The following COL23A1 variants were observed in gnomAD, a reference collection of about 807,000 sequenced individuals.
COL23A1 encodes the protein collagen alpha-1(XXIII) chain.
In COL23A1, 97 loss-of-function variants were observed where a neutral mutation model predicts 99.3. That is an observed-to-expected ratio of 0.98 (90% CI 0.83 to 1.16). The LOEUF is 1.16. COL23A1 is among the 50% of genes most tolerant of loss of function. COL23A1 has a pLI of 0.00. For synonymous variants in COL23A1, 320 were observed against 308.2 expected, an observed-to-expected ratio of 1.04 and a Z score of -0.40; for missense variants, 762 against 757.4, an observed-to-expected ratio of 1.01 and a Z score of -0.07.
In COL23A1 at chr5:178,310,084, C is replaced by T. The variant is rs745756660; in HGVS notation, c.362-3165G>A. 2.0e-5 allele frequency among the ~76,000 whole-genome samples: 3 copies of T among 152,336 alleles called. No homozygotes were observed. The highest frequency in any genetic ancestry group is 1.9e-4 in the East Asian group (1 of 5,188). On this transcript the variant is annotated intron_variant, in intron 2 of 28. Transcript: ENST00000390654. This position sits in a 1 kb window ranked among gnomAD's most constrained non-coding sequence, Gnocchi z 4.3. ...CACAGGGCCACCTGGTCTGATGTGA[C>T]GTGCCAGTGAGATAGGGAGTGCCTT...
At chr5:178,427,166 C>G (rs975539263) in intron 2 of COL23A1, among the ~76,000 whole-genome samples, 4 of 152,178 alleles carry the variant, frequency 2.6e-5, no homozygotes, top group Non-Finnish European at 5.9e-5. Flanking sequence ...GCACTCCAGC[C>G]TGGGCGACAA....
intron 11 of COL23A1, 44 bp from the exon 12 acceptor site, chr5:178,259,791 A>G (rs1366065590): frequency 1.3e-6 from 2 of 1,566,230 alleles, no homozygotes; most frequent in African/African-American, 1.4e-5. Flanking sequence ...TCAAAACCAT[A>G]GGAGAGTGGC....
At chr5:178,440,373 C>T (rs1469567202) in intron 2 of COL23A1, among the ~76,000 whole-genome samples, 1 of 152,132 alleles carries the variant, frequency 6.6e-6, no homozygotes, top group Non-Finnish European at 1.5e-5. Context: ...CCACCGCAAG[C>T]TCCATCTCAT....
chr5:178,546,158 C>G (rs1761565482), intron 2 of COL23A1, among the ~76,000 whole-genome samples: 1 of 152,110 alleles, frequency 6.6e-6, no homozygotes. Flanking sequence ...AAGACTCTAT[C>G]TCCCCTCCAC....
chr5:178,399,697 G>C (rs1240996601), intron 2 of COL23A1, among the ~76,000 whole-genome samples: 4 of 152,148 alleles, frequency 2.6e-5, no homozygotes, highest in Non-Finnish European at 5.9e-5. Flanking sequence ...ACCAAAGATG[G>C]TTTTTAAAAA....
chr5:178,342,395 C>T (rs1339654887), intron 2 of COL23A1, among the ~76,000 whole-genome samples: 3 of 152,220 alleles, frequency 2.0e-5, no homozygotes, highest in Non-Finnish European at 2.9e-5. Flanking sequence ...TCCATGTCTT[C>T]ACCCACCTGG....
At chr5:178,392,118 ATTTTT>A (rs57353104) in intron 2 of COL23A1, among the ~76,000 whole-genome samples, 1,839 of 137,176 alleles carry the variant, frequency 0.013, 30 homozygotes, top group African/African-American at 0.046. Flanking sequence ...AGTGTCTGCT[ATTTTT>A]TTTTTTTTTT....
In COL23A1 at chr5:178,454,319, CT is replaced by C. The variant is rs1767650608; in HGVS notation, c.361+106362del. On this transcript the variant is annotated intron_variant, in intron 2 of 28. Coordinates refer to ENST00000390654, the MANE Select transcript of COL23A1 (RefSeq NM_173465.4). ...AAATTTAAAAGCCTATGAAAAGCAA[CT>C]CAGATCAAAAAGTGAACAAATGGTC... Among the ~76,000 whole-genome samples, 3 of 152,144 alleles carry C rather than the reference CT, an allele frequency of 2.0e-5. 1 individual carries two copies. Among genetic ancestry groups the C allele is most frequent in the African/African-American group, 7.2e-5 (3 of 41,422 alleles).
At chr5:178,314,843 A>G (rs1407558632) in intron 2 of COL23A1, among the ~76,000 whole-genome samples, 2 of 152,182 alleles carry the variant, frequency 1.3e-5, no homozygotes, top group Non-Finnish European at 2.9e-5. Context: ...GGTAGCCGGT[A>G]GAGTCACGCA....
intron 2 of COL23A1, among the ~76,000 whole-genome samples, chr5:178,526,140 G>A (rs1760295618): frequency 6.6e-6 from 1 of 152,214 alleles, no homozygotes; most frequent in African/African-American, 2.4e-5. Flanking sequence ...GAATGAGCAG[G>A]AAAGGCATGT....
rs761164986 is a variant in COL23A1 at position 178,270,320 on chromosome 5, G to GC, written c.468+16dup. 6.2e-7 allele frequency: 1 copy of GC among 1,613,772 alleles called. No homozygotes were observed. Among genetic ancestry groups the GC allele is most frequent in the South Asian group, 1.1e-5 (1 of 90,964 alleles). On this transcript the variant is annotated intron_variant, in intron 6 of 28. Transcript: ENST00000390654. ...CCCCAGCCCAGGACCCCCTGGAATTGCCCTGTCATCACTTACGGGCTTGCC... is the reference window on the plus strand; with the variant it reads ...CCCCAGCCCAGGACCCCCTGGAATTGCCCCTGTCATCACTTACGGGCTTGCC...
At chr5:178,564,949 T>C (rs1762770087) in intron 1 of COL23A1, among the ~76,000 whole-genome samples, 1 of 152,190 alleles carries the variant, frequency 6.6e-6, no homozygotes, top group South Asian at 2.1e-4. Context: ...AGGGAATAAA[T>C]CAGCAGAAGC....
At chr5:178,452,725 C>A (rs1327706668) in intron 2 of COL23A1, among the ~76,000 whole-genome samples, 1 of 152,098 alleles carries the variant, frequency 6.6e-6, no homozygotes, top group Non-Finnish European at 1.5e-5. Context: ...AAGTGCACTG[C>A]AAATTGAAAC....
chr5:178,259,811 G>A lies in COL23A1; in HGVS notation c.703-64C>T, dbSNP rs150267229. On this transcript the variant is annotated intron_variant, in intron 11 of 28. Coordinates refer to ENST00000390654, the MANE Select transcript of COL23A1 (RefSeq NM_173465.4). ...ACCATAGGAGAGTGGCCCGGACCCC[G>A]GACCTCTTGTTCCTCGGGTAGAAGT... 1,042 of 1,494,228 alleles carry A rather than the reference G, an allele frequency of 7.0e-4. 4 individuals are homozygous for A. Among genetic ancestry groups the A allele is most frequent in the African/African-American group, 4.0e-3 (288 of 72,158 alleles). 92.6% of individuals were successfully genotyped at this position (1,494,228 alleles called of 1,614,324 possible). A position where few individuals can be genotyped will look rare whatever the true frequency, so the allele number is the denominator to read the frequency against.
chr5:178,358,763 GTA>G lies in COL23A1; in HGVS notation c.362-51846_362-51845del, dbSNP rs576425213. Reference sequence around the variant, plus strand: ...TATCTGTGTGTGTATCTGTGTGTGTGTATGTGTGTGTATGTGTATGTGTGTAA... The same window carrying G: ...TATCTGTGTGTGTATCTGTGTGTGTGTGTGTGTGTATGTGTATGTGTGTAA... On this transcript the variant is annotated intron_variant, in intron 2 of 28. Coordinates refer to ENST00000390654, the MANE Select transcript of COL23A1 (RefSeq NM_173465.4). Among the ~76,000 whole-genome samples the G allele has an allele frequency of 2.5e-3, 366 of 145,760 alleles. 1 individual carries two copies. The highest frequency in any genetic ancestry group is 6.8e-3 in the Admixed American group (99 of 14,616).
intron 2 of COL23A1, among the ~76,000 whole-genome samples, chr5:178,539,030 T>C (rs1345448642): frequency 6.6e-6 from 1 of 152,212 alleles, no homozygotes; most frequent in East Asian, 1.9e-4. Flanking sequence ...AAGGCAAGGC[T>C]TTAGAGAAAT....
intron 2 of COL23A1, among the ~76,000 whole-genome samples, chr5:178,495,813 C>A (rs1221557115): frequency 6.6e-6 from 1 of 152,156 alleles, no homozygotes; most frequent in Non-Finnish European, 1.5e-5. Flanking sequence ...TGGTTAACAT[C>A]TGTGAATGCT....
chr5:178,447,883 G>C (rs946883845), intron 2 of COL23A1, among the ~76,000 whole-genome samples: 2 of 152,142 alleles, frequency 1.3e-5, no homozygotes, highest in African/African-American at 4.8e-5. Flanking sequence ...GGTTTAAAGG[G>C]GCTGACTCCC....
intron 2 of COL23A1, among the ~76,000 whole-genome samples, chr5:178,354,590 T>C (rs1438444408): frequency 1.3e-5 from 2 of 152,084 alleles, no homozygotes; most frequent in Admixed American, 6.6e-5. Context: ...TCTGGCTGTT[T>C]AAAAATGTGT....
Sources: allele counts gnomAD v4.1 joint callset (sites outside exome capture counted in the v4.1 genomes callset), GRCh38; gene constraint gnomAD v4.1.1; non-coding constraint Gnocchi (gnomAD v3.1); transcripts MANE v1.5; gene names NCBI Gene and HGNC (gene_info 2026-07-23, HGNC 2026-07-21).